The following NOL4 variants were observed in gnomAD, a reference collection of about 807,000 sequenced individuals.
NOL4 encodes cancer/testis antigen 125.
In NOL4, 17 loss-of-function variants were observed where a neutral mutation model predicts 75.9. The ratio of observed to expected loss-of-function variants is 0.22; its 90% CI spans 0.15 to 0.34. The LOEUF (loss-of-function observed/expected upper bound fraction) is 0.34. Ranked by LOEUF, NOL4 falls within the 10% of genes least tolerant of loss-of-function variation. The probability of loss-of-function intolerance (pLI) is 1.00; values close to 1 mark genes in which losing one functional copy is unlikely to be tolerated. For synonymous variants in NOL4, 292 were observed against 289.9 expected, an observed-to-expected ratio of 1.01 and a Z score of -0.07; for missense variants, 614 against 793.5, an observed-to-expected ratio of 0.77 and a Z score of 2.72.
chr18:34,021,843 C>T (rs916825540), intron 5 of NOL4, among the ~76,000 whole-genome samples: 6 of 152,030 alleles, frequency 3.9e-5, no homozygotes, highest in East Asian at 1.9e-4. Context: ...AGGCTGGGCG[C>T]GGTGGCTCAT....
At chr18:33,999,528 G>A (rs1400293444) in intron 6 of NOL4, among the ~76,000 whole-genome samples, 1 of 151,974 alleles carries the variant, frequency 6.6e-6, no homozygotes, top group Non-Finnish European at 1.5e-5. Flanking sequence ...CCTTTACAGG[G>A]TTGGGAGTGG....
intron 6 of NOL4, among the ~76,000 whole-genome samples, chr18:34,002,972 A>G (rs977746270): frequency 5.3e-5 from 8 of 152,114 alleles, no homozygotes; most frequent in Non-Finnish European, 1.2e-4. Flanking sequence ...TGAAACTTGT[A>G]TGAGTAAACA....
At chr18:34,032,714 G>A (rs1238733509) in intron 5 of NOL4, among the ~76,000 whole-genome samples, 1 of 152,116 alleles carries the variant, frequency 6.6e-6, no homozygotes, top group Non-Finnish European at 1.5e-5. Flanking sequence ...GCCCACTGCT[G>A]CCTACCAGAA....
chr18:33,851,742 T>G lies in NOL4; in HGVS notation c.*1100A>C, dbSNP rs1238150236. The G allele has an allele frequency of 6.6e-6, 1 of 152,494 alleles. No homozygotes were observed. Among genetic ancestry groups the G allele is most frequent in the Admixed American group, 6.6e-5 (1 of 15,240 alleles). The allele number at this position is 152,494 out of a possible 1,614,324, so 9.4% of individuals were successfully genotyped here. ...TAGGAGGGCACAGTTCATTGTAAGTTGCAGCTGCATCCGCTGAGAGTTCCT... is the reference window on the plus strand; with the variant it reads ...TAGGAGGGCACAGTTCATTGTAAGTGGCAGCTGCATCCGCTGAGAGTTCCT... On this transcript the variant is annotated 3_prime_UTR_variant, in exon 11 of 11. Transcript: ENST00000261592.
At chr18:33,893,465 C>T (rs748942922) in intron 9 of NOL4, among the ~76,000 whole-genome samples, 2 of 152,142 alleles carry the variant, frequency 1.3e-5, no homozygotes, top group East Asian at 1.9e-4. Context: ...ACCTTTATTG[C>T]AGTACCTTTG....
chr18:33,977,230 G>A (rs1375194656), intron 6 of NOL4, among the ~76,000 whole-genome samples: 1 of 152,042 alleles, frequency 6.6e-6, no homozygotes, highest in Admixed American at 6.6e-5. Context: ...AGTGAATAGT[G>A]GAGTTGCAAT....
intron 5 of NOL4, among the ~76,000 whole-genome samples, chr18:34,055,830 G>T (rs1339705899): frequency 6.6e-6 from 1 of 151,408 alleles, no homozygotes; most frequent in African/African-American, 2.4e-5. Flanking sequence ...CTATCTCAAT[G>T]ATTTCAAATG....
At chr18:34,194,861 C>T (rs1600847262) in intron 1 of NOL4, among the ~76,000 whole-genome samples, 1 of 151,838 alleles carries the variant, frequency 6.6e-6, no homozygotes, top group Non-Finnish European at 1.5e-5. Flanking sequence ...TTCATCTCTA[C>T]TAAAAATACA....
chr18:34,222,378 T>A, intron 1 of NOL4: 1 of 1,181,682 alleles, frequency 8.5e-7, no homozygotes, highest in Non-Finnish European at 1.0e-6. Context: ...CAGGACCTTA[T>A]CTACAATCTC....
At chr18:34,054,676 T>C (rs2076759871) in intron 5 of NOL4, among the ~76,000 whole-genome samples, 1 of 151,796 alleles carries the variant, frequency 6.6e-6, no homozygotes, top group South Asian at 2.1e-4. Context: ...TATCTTTTGA[T>C]CAGGGAGTTT....
chr18:33,901,786 G>A (rs2065761557), intron 9 of NOL4, among the ~76,000 whole-genome samples: 1 of 151,914 alleles, frequency 6.6e-6, no homozygotes, highest in African/African-American at 2.4e-5. Flanking sequence ...TTTGATGAGA[G>A]AATAAATTAT....
chr18:33,870,927 GT>G (rs1567983402), intron 10 of NOL4, among the ~76,000 whole-genome samples: 1 of 151,966 alleles, frequency 6.6e-6, no homozygotes, highest in Non-Finnish European at 1.5e-5. Context: ...CAGAATGTTC[GT>G]CAATCACACA....
At chr18:33,908,381 C>T (rs1463315972) in intron 9 of NOL4, among the ~76,000 whole-genome samples, 2 of 152,100 alleles carry the variant, frequency 1.3e-5, no homozygotes, top group African/African-American at 2.4e-5. Flanking sequence ...AAATTAGAAA[C>T]GGGTGTGCCA....
chr18:33,875,724 C>T (rs965530608), intron 10 of NOL4, among the ~76,000 whole-genome samples: 2 of 146,724 alleles, frequency 1.4e-5, no homozygotes, highest in African/African-American at 2.4e-5. Context: ...TAGCCTTTTT[C>T]CTTTTGATAT....
At chr18:34,083,157 G>T (rs897251180) in intron 5 of NOL4, among the ~76,000 whole-genome samples, 2 of 152,120 alleles carry the variant, frequency 1.3e-5, no homozygotes, top group Non-Finnish European at 2.9e-5. Flanking sequence ...AGATGGATTA[G>T]GGATAAGGGT....
At chr18:33,942,997 A>T (rs1477287382) in intron 9 of NOL4, 68 bp downstream of exon 9, 1 of 1,069,550 alleles carries the variant, frequency 9.3e-7, no homozygotes, top group African/African-American at 1.6e-5. Flanking sequence ...ACTCTTCAAC[A>T]TAAATCAAAT....
intron 9 of NOL4, among the ~76,000 whole-genome samples, chr18:33,926,482 A>G (rs2067338614): frequency 2.0e-5 from 3 of 152,192 alleles, no homozygotes; most frequent in Admixed American, 2.0e-4. Context: ...TCTTCTGAAA[A>G]CAATCTCTTC....
At chr18:33,861,886 C>A (rs1389020037) in intron 10 of NOL4, among the ~76,000 whole-genome samples, 1 of 152,082 alleles carries the variant, frequency 6.6e-6, no homozygotes, top group Non-Finnish European at 1.5e-5. Context: ...ATCAAGCTAC[C>A]AATGACTTTC....
At chr18:34,087,026 A>G (rs886633804) in intron 5 of NOL4, among the ~76,000 whole-genome samples, 4 of 152,164 alleles carry the variant, frequency 2.6e-5, no homozygotes, top group Non-Finnish European at 5.9e-5. Flanking sequence ...AAGTGCACCA[A>G]TGTGACTTAA....
Sources: gnomAD v4.1 joint callset for allele counts (sites outside exome capture counted in the v4.1 genomes callset) on GRCh38, gnomAD v4.1.1 for gene constraint, MANE v1.5 for transcripts, NCBI Gene and HGNC (gene_info 2026-07-23, HGNC 2026-07-21) for gene names.